The following MBD3 variants were observed in gnomAD, a reference collection of about 807,000 sequenced individuals.
MBD3 encodes methyl-CpG-binding domain protein 3.
MBD3 carries 13 observed loss-of-function variants against 31.2 expected under a neutral mutation model. The observed-to-expected ratio is 0.42, with a 90% CI of 0.27 to 0.66. The LOEUF is 0.66. Among genes scored for constraint, MBD3 ranks in the 30% least tolerant of loss-of-function variants. MBD3 has a pLI of 0.26. For synonymous variants in MBD3, 223 were observed against 187.4 expected (o/e 1.19, Z -1.55); for missense variants, 440 against 426.5 (o/e 1.03, Z -0.28).
chr19:1,579,045 G>A (rs1200308486), intron 5 of MBD3, among the ~76,000 whole-genome samples: 3 of 151,910 alleles, frequency 2.0e-5, no homozygotes, highest in East Asian at 3.9e-4. Flanking sequence ...TTAGCTGGGC[G>A]TGGTGGCGGC....
chr19:1,584,902 C>T (rs2060671018), intron 2 of MBD3, 153 bp downstream of exon 2: 35 of 1,219,596 alleles, frequency 2.9e-5, no homozygotes, highest in Non-Finnish European at 3.9e-5. Flanking sequence ...GCGCTCTGCA[C>T]CCTGTGGCCT....
At chr19:1,584,888 C>A in intron 2 of MBD3, 167 bp downstream of exon 2, 9 of 1,146,338 alleles carry the variant, frequency 7.9e-6, no homozygotes, top group Non-Finnish European at 1.1e-5. Context: ...TCGCCATGCG[C>A]CTTGCGCTCT....
chr19:1,580,717 C>T (rs1362693572), intron 5 of MBD3, among the ~76,000 whole-genome samples: 11 of 152,314 alleles, frequency 7.2e-5, no homozygotes, highest in African/African-American at 2.6e-4. Context: ...AGGCTCTGCA[C>T]ATCAGAACTG....
intron 1 of MBD3, among the ~76,000 whole-genome samples, chr19:1,590,246 T>C (rs2060697580): frequency 6.6e-6 from 1 of 152,182 alleles, no homozygotes; most frequent in Admixed American, 6.5e-5. Context: ...TGCAGTGGGC[T>C]GGGATTGCGT....
rs536564737 is a variant in MBD3 at position 1,578,570 on chromosome 19, G to A, written c.678-32C>T. ...ACACATGGACCTTGCGTTACACCAA[G>A]GTGAGCGGCCAGCAGGACATGGACA... On this transcript the variant is annotated intron_variant, in intron 5 of 6. Coordinates refer to ENST00000434436, the MANE Select transcript of MBD3 (RefSeq NM_001281453.2). This position sits in a 1 kb window ranked among gnomAD's most constrained non-coding sequence, Gnocchi z 6.1. 1.2e-6 allele frequency: 2 copies of A among 1,609,698 alleles called. No individual in the cohort carries two copies. The highest frequency in any genetic ancestry group is 1.7e-6 in the Non-Finnish European group (2 of 1,179,878).
chr19:1,583,934 G>A (rs970600634), intron 3 of MBD3, among the ~76,000 whole-genome samples: 4 of 151,696 alleles, frequency 2.6e-5, no homozygotes, highest in African/African-American at 4.8e-5. Flanking sequence ...TGATTCTCCT[G>A]CCTCAGCCTC....
rs2145603850 is a variant in MBD3 at position 1,585,574 on chromosome 19, G to C, written c.111-360C>G. 3.3e-6 allele frequency: 1 copy of C among 305,614 alleles called. No individual in the cohort carries two copies. Among genetic ancestry groups the C allele is most frequent in the African/African-American group, 2.2e-5 (1 of 45,266 alleles). The allele number at this position is 305,614 out of a possible 1,614,324, so 18.9% of individuals were successfully genotyped here. On this transcript the variant is annotated intron_variant, in intron 1 of 6. Coordinates refer to ENST00000434436, the MANE Select transcript of MBD3 (RefSeq NM_001281453.2). The surrounding 1 kb of genome is among the most constrained non-coding windows in gnomAD (Gnocchi z 4.1). ...CGGTCCCCTCTGAATCCTCCCCACC[G>C]TAGGCCCTGGCAGCGTCAGGCACAG... is the stretch of plus-strand genomic sequence containing the variant.
chr19:1,592,575 T>C lies in MBD3; in HGVS notation c.57A>G (p.Glu19=). The change falls in exon 1 of 7, where the codon GAA becomes GAG. Residue 19 remains glutamate, a synonymous_variant. Transcript: ENST00000434436. ...CCGACAGCCCCGACCTTCTGGGCAC[T>C]TCTTCCCTCTCCCAGCCCTGCGGGA... ...PALPQGWERE[E]VPRRSGLSAG... 2 of 1,442,712 alleles carry C rather than the reference T, an allele frequency of 1.4e-6. No homozygotes were observed. Among genetic ancestry groups the C allele is most frequent in the East Asian group, 3.4e-5 (1 of 29,366 alleles). 89.4% of individuals were successfully genotyped at this position (1,442,712 alleles called of 1,614,324 possible).
chr19:1,589,177 C>G (rs1040248126), intron 1 of MBD3, among the ~76,000 whole-genome samples: 1 of 148,276 alleles, frequency 6.7e-6, no homozygotes, highest in Non-Finnish European at 1.5e-5. Context: ...ACTAAAAATA[C>G]AAAAGTAGCC....
At chr19:1,581,509 G>A (rs1253420461) in intron 4 of MBD3, 21 of 578,918 alleles carry the variant, frequency 3.6e-5, no homozygotes, top group East Asian at 3.6e-4. Flanking sequence ...TTGGGAGGGC[G>A]AGGTGGGAGG....
At chr19:1,587,292 G>C (rs1024305362) in intron 1 of MBD3, among the ~76,000 whole-genome samples, 3 of 151,912 alleles carry the variant, frequency 2.0e-5, no homozygotes, top group African/African-American at 7.3e-5. Context: ...AATAGAGATA[G>C]GGTCTCACCA....
intron 2 of MBD3, 35 bp from the exon 3 acceptor site, chr19:1,584,712 G>A (rs759388172): frequency 1.5e-5 from 24 of 1,599,586 alleles, no homozygotes; most frequent in Middle Eastern, 1.7e-4. Flanking sequence ...CGGCCTGGGG[G>A]CGCCCCGGCG....
chr19:1,581,351 C>A, intron 4 of MBD3, 82 bp from the exon 5 acceptor site: 1 of 1,426,290 alleles, frequency 7.0e-7, no homozygotes, highest in Non-Finnish European at 9.6e-7. Context: ...GGAAATGCCC[C>A]AAGAATGGGA....
At chr19:1,588,034 A>G (rs2060687192) in intron 1 of MBD3, among the ~76,000 whole-genome samples, 2 of 152,224 alleles carry the variant, frequency 1.3e-5, no homozygotes, top group African/African-American at 4.8e-5. Flanking sequence ...CACTGCACAG[A>G]AATGCTTGGT....
At position 1,592,584 on chromosome 19, in the gene MBD3, C is replaced by G. The variant is rs1435669292; in HGVS notation, c.48G>C (p.Glu16Asp). The G allele has an allele frequency of 5.4e-5, 77 of 1,424,868 alleles. No individual in the cohort carries two copies. The highest frequency in any genetic ancestry group is 6.8e-5 in the Non-Finnish European group (73 of 1,065,814). The allele number at this position is 1,424,868 out of a possible 1,614,324, so 88.3% of individuals were successfully genotyped here. ...WECPALPQGW[E>D]REEVPRRSGL... ...CCGACCTTCTGGGCACTTCTTCCCT[C>G]TCCCAGCCCTGCGGGAGCGCCGGGC... The change falls in exon 1 of 7, where the codon GAG (glutamate) becomes GAC (aspartate). Residue 16 changes from glutamate (E) to aspartate (D), a missense_variant. Physicochemically the swap from Glu to Asp is conservative, Grantham distance 45. Transcript: ENST00000434436.
chr19:1,589,995 C>T (rs772251711), intron 1 of MBD3, among the ~76,000 whole-genome samples: 9 of 152,240 alleles, frequency 5.9e-5, no homozygotes, highest in Non-Finnish European at 1.0e-4. Flanking sequence ...GATGGTTGCA[C>T]AACTTTGTCA....
Position 1,578,345 on chromosome 19 carries a change from C to A in MBD3, c.871G>T (p.Val291Phe). The part of the protein sequence containing the change: ...EPDPDPEMEH[V>F] ...GTGGCCCCGCAGCACCTGCCCTAGACGTGCTCCATCTCCGGGTCCGGGTCG... is the reference window on the plus strand; with the variant it reads ...GTGGCCCCGCAGCACCTGCCCTAGAAGTGCTCCATCTCCGGGTCCGGGTCG... The change falls in exon 6 of 7, where the codon GTC becomes TTC. Residue 291 changes from valine (V) to phenylalanine (F), a missense_variant. Transcript: ENST00000434436. The surrounding 1 kb of genome is among the most constrained non-coding windows in gnomAD (Gnocchi z 6.1). The A allele has an allele frequency of 6.2e-7, 1 of 1,603,336 alleles. No homozygotes were observed. Among genetic ancestry groups the A allele is most frequent in the East Asian group, 2.2e-5 (1 of 44,868 alleles).
intron 1 of MBD3, among the ~76,000 whole-genome samples, chr19:1,587,802 C>G (rs1439052109): frequency 1.3e-5 from 2 of 152,216 alleles, no homozygotes; most frequent in African/African-American, 4.8e-5. Flanking sequence ...TGTCTACAAA[C>G]TCAGTCAACA....
At chr19:1,584,873 C>A (rs910842806) in intron 2 of MBD3, 182 bp downstream of exon 2, 6 of 1,037,268 alleles carry the variant, frequency 5.8e-6, no homozygotes, top group Non-Finnish European at 8.0e-6. Flanking sequence ...CCGCGGGCCG[C>A]GTCCTCGCCA....
Sources: gnomAD v4.1 joint callset for allele counts (sites outside exome capture counted in the v4.1 genomes callset) on GRCh38, gnomAD v4.1.1 for gene constraint, Gnocchi (gnomAD v3.1) non-coding constraint, MANE v1.5 for transcripts, NCBI Gene and HGNC (gene_info 2026-07-23, HGNC 2026-07-21) for gene names.